Variants in SYNE2 observed in about 807,000 individuals in gnomAD.
SYNE2 encodes the protein nesprin-2.
Under a neutral mutation model 856.3 loss-of-function variants are expected in SYNE2, and 431 were observed. That is an observed-to-expected ratio of 0.50 (90% CI 0.47 to 0.55). SYNE2 has a LOEUF of 0.55. Among genes scored for constraint, SYNE2 ranks in the 20% least tolerant of loss-of-function variants. The pLI, the probability that SYNE2 is intolerant of heterozygous loss-of-function variation, is 0.00. For synonymous variants in SYNE2, 2,923 were observed against 2,872.3 expected, an observed-to-expected ratio of 1.02 and a Z score of -0.56; for missense variants, 8,129 against 8,023.2, an observed-to-expected ratio of 1.01 and a Z score of -0.50.
At chr14:64,220,385 CCCT>C in intron 110 of SYNE2, 49 bp from the exon 111 acceptor site, 2 of 1,599,016 alleles carry the variant, frequency 1.3e-6, no homozygotes, top group East Asian at 4.5e-5. Flanking sequence ...CAAAATGAGC[CCCT>C]CCTCCCTACT....
At position 64,056,135 on chromosome 14, in the gene SYNE2, C is replaced by T. The variant is rs1317360875; in HGVS notation, c.9936C>T (p.Asp3312=). ...AATCCACAGTAGCACACATCCAGGA[C>T]CTCACTGAGAAACTGGGAATGATAT... The part of the protein sequence containing the change: ...ELESTVAHIQ[D]LTEKLGMISS... The change falls in exon 49 of 116, where the codon GAC becomes GAT. Residue 3312 remains aspartate, a synonymous_variant. Coordinates refer to ENST00000555002, the MANE Select transcript of SYNE2 (RefSeq NM_182914.3). The T allele has an allele frequency of 7.4e-6, 12 of 1,614,052 alleles. No homozygotes were observed. The highest frequency in any genetic ancestry group is 1.0e-5 in the Non-Finnish European group (12 of 1,179,978).
intron 1 of SYNE2, among the ~76,000 whole-genome samples, chr14:63,879,747 GGTATCCACAGATA>G (rs2094815085): frequency 6.6e-6 from 1 of 152,126 alleles, no homozygotes; most frequent in Non-Finnish European, 1.5e-5. Flanking sequence ...TTTTCCCTTT[GGTATCCACAGATA>G]GCATATTTTA....
In SYNE2 at chr14:64,225,456, C is replaced by T; in HGVS notation, c.20654C>T (p.Thr6885Ile). 1 of 1,614,226 alleles carries T rather than the reference C, an allele frequency of 6.2e-7. No homozygotes were observed. Reference sequence around the variant, plus strand: ...TCCTCCGAAGAAGACTACAGCTGCACTCAGGCCAACAACTTTGCCCGGTCC... The same window carrying T: ...TCCTCCGAAGAAGACTACAGCTGCATTCAGGCCAACAACTTTGCCCGGTCC... Reference protein sequence around the residue: ...LPSSEEDYSCTQANNFARSFY... With the variant: ...LPSSEEDYSCIQANNFARSFY... The change falls in exon 116 of 116, where the codon ACT (threonine) becomes ATT (isoleucine). Residue 6885 changes from threonine (T) to isoleucine (I), a missense_variant. Transcript: ENST00000555002.
chr14:63,998,855 G>C (rs142480564), intron 26 of SYNE2, 59 bp from the exon 27 acceptor site: 186 of 1,598,318 alleles, frequency 1.2e-4, no homozygotes, highest in Middle Eastern at 1.7e-4. Context: ...GAGCCACTGC[G>C]CTTGGCCTGT....
intron 45 of SYNE2, among the ~76,000 whole-genome samples, chr14:64,045,626 T>G (rs1473267347): frequency 6.6e-6 from 1 of 152,126 alleles, no homozygotes; most frequent in South Asian, 2.1e-4. Context: ...CTGCCCTAGG[T>G]GTAGATTTTC....
At chr14:64,011,506 C>G (rs10149520) in intron 32 of SYNE2, among the ~76,000 whole-genome samples, 18,725 of 152,112 alleles carry the variant, frequency 0.12, 2,124 homozygotes, top group African/African-American at 0.3. Context: ...GCATAGCCAC[C>G]CTTCTGCCGT....
intron 17 of SYNE2, among the ~76,000 whole-genome samples, chr14:63,983,362 C>T (rs2096601114): frequency 6.6e-6 from 1 of 152,082 alleles, no homozygotes; most frequent in African/African-American, 2.4e-5. Context: ...TGAGTATATG[C>T]CTGAGAGATC....
intron 1 of SYNE2, among the ~76,000 whole-genome samples, chr14:63,903,981 A>T (rs766844264): frequency 4.6e-5 from 7 of 151,070 alleles, no homozygotes; most frequent in Non-Finnish European, 8.8e-5. Context: ...CCCTCCCTTC[A>T]CCCCTCTGGA....
chr14:64,018,184 C>G (rs2096908429), intron 34 of SYNE2, among the ~76,000 whole-genome samples: 1 of 152,308 alleles, frequency 6.6e-6, no homozygotes, highest in Middle Eastern at 3.4e-3. Context: ...AAAGCGCCAA[C>G]AAAATGCATA....
rs1567646655 is a variant in SYNE2 at position 64,208,743 on chromosome 14, CTG to C, written c.18202-13_18202-12del. 2.5e-6 allele frequency: 4 copies of C among 1,614,100 alleles called. No homozygotes were observed. Among genetic ancestry groups the C allele is most frequent in the Middle Eastern group, 1.7e-4 (1 of 6,058 alleles). On this transcript the variant is annotated splice_polypyrimidine_tract_variant and intron_variant, in intron 100 of 115. Coordinates refer to ENST00000555002, the MANE Select transcript of SYNE2 (RefSeq NM_182914.3). ...CCAACATCTCAAGAGGTTTCTTACT[CTG>C]TTGTAATCACAGGATCTACAGCGAG...
At chr14:63,779,213 T>C (rs1036270508) in intron 1 of SYNE2, among the ~76,000 whole-genome samples, 3 of 151,508 alleles carry the variant, frequency 2.0e-5, no homozygotes, top group Admixed American at 6.6e-5. Flanking sequence ...TAATCCCAGC[T>C]ACTCAGGAGG....
Position 64,225,115 on chromosome 14 carries a change from T to A in SYNE2, c.20516+70T>A. 4 of 1,588,262 alleles carry A rather than the reference T, an allele frequency of 2.5e-6. No homozygotes were observed. In the Admixed American group the frequency reaches 6.7e-5, roughly 27 times the overall value. On this transcript the variant is annotated intron_variant, in intron 115 of 115. Transcript: ENST00000555002. ...ACTCCCACTGACTCAGTCTTGCCAA[T>A]GCCACTATCAAGGTCCTTGCAAAAA...
intron 1 of SYNE2, among the ~76,000 whole-genome samples, chr14:63,767,942 C>T (rs146234064): frequency 6.6e-6 from 1 of 152,086 alleles, no homozygotes; most frequent in East Asian, 1.9e-4. Context: ...GCCTGTAATC[C>T]CAGCACTTTG....
chr14:63,918,757 T>C (rs1419703363), intron 2 of SYNE2, among the ~76,000 whole-genome samples: 2 of 152,200 alleles, frequency 1.3e-5, no homozygotes, highest in Non-Finnish European at 2.9e-5. Flanking sequence ...TGTTGTGTTT[T>C]CCATCTTTAC....
intron 1 of SYNE2, among the ~76,000 whole-genome samples, chr14:63,871,705 G>C (rs1307638184): frequency 6.6e-6 from 1 of 151,062 alleles, no homozygotes; most frequent in Non-Finnish European, 1.5e-5. Flanking sequence ...TGTTGCCCAG[G>C]CTGGTCTCAA....
chr14:63,881,996 G>A (rs2094876577), intron 1 of SYNE2, among the ~76,000 whole-genome samples: 2 of 152,156 alleles, frequency 1.3e-5, no homozygotes, highest in Admixed American at 1.3e-4. Flanking sequence ...AGATAATAAG[G>A]CCTACAACCC....
rs149647770 is a variant in SYNE2 at position 63,829,956 on chromosome 14, G to C, written c.-304-22545G>C. The stretch of plus-strand genomic sequence containing the variant: ...TTAATAGCCCAAAGGTGTAAAAAAA[G>C]CAAATGCCTATCAACCAATTAATCT... On this transcript the variant is annotated intron_variant, in intron 1 of 23. Coordinates refer to the SYNE2 transcript ENST00000674003. Among the ~76,000 whole-genome samples the C allele has an allele frequency of 2.0e-3, 301 of 152,198 alleles. 2 individuals are homozygous for C. The highest frequency in any genetic ancestry group is 6.8e-3 in the African/African-American group (284 of 41,534).
At chr14:64,170,101 T>C (rs1355148902) in intron 93 of SYNE2, 127 bp from the exon 94 acceptor site, 2 of 884,338 alleles carry the variant, frequency 2.3e-6, no homozygotes, top group Non-Finnish European at 1.8e-6. Flanking sequence ...CTCAGGTGTT[T>C]AGAAGTTGGG....
At chr14:63,955,557 A>G (rs551064435) in intron 8 of SYNE2, among the ~76,000 whole-genome samples, 26 of 152,310 alleles carry the variant, frequency 1.7e-4, no homozygotes, top group African/African-American at 5.5e-4. Flanking sequence ...TTAAGGTCAT[A>G]ATAGAGGTAT....
Sources: gnomAD v4.1 joint callset for allele counts (sites outside exome capture counted in the v4.1 genomes callset) on GRCh38, gnomAD v4.1.1 for gene constraint, MANE v1.5 for transcripts, NCBI Gene and HGNC (gene_info 2026-07-23, HGNC 2026-07-21) for gene names.